ARHGAP15: variants seen among roughly 807,000 people sequenced by gnomAD.
ARHGAP15 encodes the protein rho GTPase-activating protein 15.
ARHGAP15 carries 51 observed loss-of-function variants against 63.7 expected under a neutral mutation model. The ratio of observed to expected loss-of-function variants is 0.80; its 90% CI spans 0.64 to 1.01. ARHGAP15 has a LOEUF of 1.01. Among genes scored for constraint, ARHGAP15 ranks in the 50% least tolerant of loss-of-function variants. ARHGAP15 has a pLI of 0.00. For synonymous variants in ARHGAP15, 191 were observed against 193.8 expected, an observed-to-expected ratio of 0.99 and a Z score of 0.12; for missense variants, 560 against 564.6, an observed-to-expected ratio of 0.99 and a Z score of 0.08.
Position 143,768,217 on chromosome 2 carries a change from C to T in ARHGAP15, c.*45C>T. 1 of 1,469,892 alleles carries T rather than the reference C, an allele frequency of 6.8e-7. No homozygotes were observed. Among genetic ancestry groups the T allele is most frequent in the Non-Finnish European group, 9.1e-7 (1 of 1,097,896 alleles). The allele number at this position is 1,469,892 out of a possible 1,614,324, so 91.1% of individuals were successfully genotyped here. A position where few individuals can be genotyped will look rare whatever the true frequency, so the allele number is the denominator to read the frequency against. ...AATACGTTCACATCTGTCTTGATGC[C>T]TAATATTTTTACATTTCTGTAAACA... is the stretch of plus-strand genomic sequence containing the variant. On this transcript the variant is annotated 3_prime_UTR_variant, in exon 14 of 14. Transcript: ENST00000295095.
intron 13 of ARHGAP15, chr2:143,703,735 CA>C (rs1684198153): frequency 4.4e-6 from 2 of 456,740 alleles, no homozygotes; most frequent in Non-Finnish European, 7.7e-6. Context: ...ACTTATTTTT[CA>C]AGGCCCTTTC....
chr2:143,473,974 C>T (rs565736180), intron 8 of ARHGAP15, among the ~76,000 whole-genome samples: 92 of 152,196 alleles, frequency 6.0e-4, no homozygotes, highest in African/African-American at 2.2e-3. Context: ...AATCTCAGCC[C>T]GTTCAATAGT....
intron 6 of ARHGAP15, among the ~76,000 whole-genome samples, chr2:143,382,103 TTTCCTTCCTTCCTCCCTC>T (rs1687083469): frequency 8.1e-6 from 1 of 123,624 alleles, no homozygotes; most frequent in African/African-American, 3.9e-5. Context: ...CCTCCCTCCC[TTTCCTTCCTTCCTCCCTC>T]CCTCCTCCCT....
At chr2:143,483,493 A>T (rs1473337464) in intron 8 of ARHGAP15, among the ~76,000 whole-genome samples, 1 of 152,184 alleles carries the variant, frequency 6.6e-6, no homozygotes, top group African/African-American at 2.4e-5. Flanking sequence ...TAACCTGTGA[A>T]AACTTAGATT....
intron 10 of ARHGAP15, among the ~76,000 whole-genome samples, chr2:143,537,854 C>A (rs1416158788): frequency 6.6e-6 from 1 of 152,006 alleles, no homozygotes; most frequent in Admixed American, 6.6e-5. Flanking sequence ...ATTGACTTGG[C>A]AATGCGGGCT....
intron 6 of ARHGAP15, among the ~76,000 whole-genome samples, chr2:143,421,845 G>A (rs1322727774): frequency 1.3e-5 from 2 of 150,988 alleles, no homozygotes; most frequent in East Asian, 1.9e-4. Context: ...ATGAATTTAT[G>A]TGTAGAAAGA....
At chr2:143,209,956 A>G (rs1322485194) in intron 3 of ARHGAP15, among the ~76,000 whole-genome samples, 1 of 152,082 alleles carries the variant, frequency 6.6e-6, no homozygotes, top group East Asian at 1.9e-4. Flanking sequence ...TAGAGTAGAG[A>G]AAAAGAACAC....
intron 6 of ARHGAP15, among the ~76,000 whole-genome samples, chr2:143,377,331 G>C (rs540776802): frequency 2.0e-4 from 31 of 151,726 alleles, no homozygotes; most frequent in African/African-American, 6.8e-4. Context: ...CAAAATTGAA[G>C]AATAAAAAAT....
intron 8 of ARHGAP15, among the ~76,000 whole-genome samples, chr2:143,460,686 T>C (rs1243229118): frequency 6.6e-6 from 1 of 152,190 alleles, no homozygotes; most frequent in Non-Finnish European, 1.5e-5. Flanking sequence ...TATAATGTGC[T>C]AGGAAGACTT....
chr2:143,381,095 CA>C (rs1460910131), intron 6 of ARHGAP15, among the ~76,000 whole-genome samples: 1 of 152,106 alleles, frequency 6.6e-6, no homozygotes, highest in African/African-American at 2.4e-5. Flanking sequence ...CTATTTAAAA[CA>C]AGACTAATTG....
At chr2:143,142,695 AT>A (rs1265127922) in intron 1 of ARHGAP15, among the ~76,000 whole-genome samples, 1 of 152,210 alleles carries the variant, frequency 6.6e-6, no homozygotes, top group Non-Finnish European at 1.5e-5. Flanking sequence ...AGTGGCAACC[AT>A]TTAAATACAC....
intron 11 of ARHGAP15, among the ~76,000 whole-genome samples, chr2:143,572,533 C>T (rs115091282): frequency 0.014 from 2,102 of 152,252 alleles, 36 homozygotes; most frequent in African/African-American, 0.048. Context: ...CTTCCTGCTA[C>T]TCCTGGGAAT....
chr2:143,272,995 T>C (rs1439599468), intron 6 of ARHGAP15, among the ~76,000 whole-genome samples: 1 of 152,176 alleles, frequency 6.6e-6, no homozygotes, highest in Admixed American at 6.5e-5. Context: ...ATATAGACTA[T>C]TTTTATTTTA....
intron 8 of ARHGAP15, among the ~76,000 whole-genome samples, chr2:143,463,563 C>G (rs916051452): frequency 4.0e-5 from 6 of 151,706 alleles, no homozygotes; most frequent in African/African-American, 1.5e-4. Context: ...GGGAAGATGT[C>G]TTATAGATAG....
At chr2:143,346,242 A>ACACTCTCTCT (rs1326287158) in intron 6 of ARHGAP15, among the ~76,000 whole-genome samples, 1 of 141,946 alleles carries the variant, frequency 7.0e-6, no homozygotes, top group African/African-American at 2.7e-5. Flanking sequence ...TCTCTCACAC[A>ACACTCTCTCT]CACACACTCA....
At chr2:143,297,581 TC>T (rs1682696458) in intron 6 of ARHGAP15, among the ~76,000 whole-genome samples, 1 of 152,016 alleles carries the variant, frequency 6.6e-6, no homozygotes, top group Non-Finnish European at 1.5e-5. Flanking sequence ...ACACTGGTGA[TC>T]TTCTCTCTTA....
At chr2:143,346,274 A>ACTCACT (rs1685298124) in intron 6 of ARHGAP15, among the ~76,000 whole-genome samples, 1 of 150,142 alleles carries the variant, frequency 6.7e-6, no homozygotes, top group African/African-American at 2.5e-5. Flanking sequence ...ACACACACAC[A>ACTCACT]CTCACAAACA....
At chr2:143,576,755 A>G (rs1200943303) in intron 11 of ARHGAP15, among the ~76,000 whole-genome samples, 1 of 152,096 alleles carries the variant, frequency 6.6e-6, no homozygotes, top group Non-Finnish European at 1.5e-5. Context: ...CATTTTACTT[A>G]ACAATTTTAC....
chr2:143,493,030 C>A (rs1692654379), intron 9 of ARHGAP15, among the ~76,000 whole-genome samples: 3 of 150,854 alleles, frequency 2.0e-5, no homozygotes. Context: ...TGCACTCCAG[C>A]CTGGGCGACA....
Sources: gnomAD v4.1 joint callset for allele counts (sites outside exome capture counted in the v4.1 genomes callset) on GRCh38, gnomAD v4.1.1 for gene constraint, MANE v1.5 for transcripts, NCBI Gene and HGNC (gene_info 2026-07-23, HGNC 2026-07-21) for gene names.